RAD21: variants seen among roughly 807,000 people sequenced by gnomAD.
The protein encoded by RAD21 is double-strand-break repair protein rad21 homolog.
In RAD21, 18 loss-of-function variants were observed where a neutral mutation model predicts 71.5. The ratio of observed to expected loss-of-function variants is 0.25; its 90% CI spans 0.17 to 0.37. The LOEUF is 0.37. Ranked by LOEUF, RAD21 falls within the 10% of genes least tolerant of loss-of-function variation. The pLI is 1.00. For missense variants in RAD21, 493 were observed against 769.1 expected (o/e 0.64, Z 4.25); for synonymous variants, 248 against 254.0 (o/e 0.98, Z 0.22).
At position 116,848,955 on chromosome 8, in the gene RAD21, A is replaced by G. The variant is rs749146705; in HGVS notation, c.1695T>C (p.His565=). ...ACAACAGCGGCAATACCTGAAGACC[A>G]TGAAGCATCTGCTGAGTCCTTTTGT... ...RWNKRTQQML[H]GLQRALAKTG... is the part of the protein sequence containing the mutation. The change falls in exon 13 of 14, where the codon CAT becomes CAC. Residue 565 remains histidine (H), a synonymous_variant. Coordinates refer to ENST00000297338, the MANE Select transcript of RAD21 (RefSeq NM_006265.3). 5 of 1,608,628 alleles carry G rather than the reference A, an allele frequency of 3.1e-6. No individual in the cohort carries two copies. The highest frequency in any genetic ancestry group is 2.2e-5 in the South Asian group (2 of 90,284).
At chr8:116,862,002 G>A in intron 3 of RAD21, 62 bp from the exon 4 acceptor site, 1 of 1,289,560 alleles carries the variant, frequency 7.8e-7, no homozygotes, top group South Asian at 1.2e-5. Flanking sequence ...GGATCAGAGG[G>A]AGATAAGTAG....
At chr8:116,853,870 C>T (rs967477175) in intron 9 of RAD21, among the ~76,000 whole-genome samples, 6 of 152,144 alleles carry the variant, frequency 3.9e-5, no homozygotes, top group African/African-American at 1.4e-4. Context: ...AAAAAACCTC[C>T]TGAAGCCAGA....
chr8:116,872,369 T>C (rs571211761), intron 1 of RAD21, among the ~76,000 whole-genome samples: 16 of 152,256 alleles, frequency 1.1e-4, no homozygotes, highest in African/African-American at 3.8e-4. Flanking sequence ...TGCAAAAAAG[T>C]TGGAGTTTTA....
At chr8:116,863,900 CCT>C (rs1316790036) in intron 2 of RAD21, among the ~76,000 whole-genome samples, 3 of 151,944 alleles carry the variant, frequency 2.0e-5, no homozygotes, top group East Asian at 1.9e-4. Flanking sequence ...CTCAGATCTC[CCT>C]GTTTCCAAAA....
chr8:116,851,720 C>A, intron 11 of RAD21: 1 of 403,500 alleles, frequency 2.5e-6, no homozygotes, highest in Non-Finnish European at 4.4e-6. Context: ...CTGGAGCACT[C>A]TAAAGCAATA....
At chr8:116,854,790 C>CT (rs1377422425) in intron 8 of RAD21, among the ~76,000 whole-genome samples, 2 of 152,190 alleles carry the variant, frequency 1.3e-5, no homozygotes, top group Non-Finnish European at 2.9e-5. Context: ...ATATCACACT[C>CT]TTCAGAGTTG....
chr8:116,864,376 T>C (rs1410251892), intron 2 of RAD21, among the ~76,000 whole-genome samples: 2 of 152,172 alleles, frequency 1.3e-5, no homozygotes, highest in Non-Finnish European at 2.9e-5. Flanking sequence ...GAAAATGTTG[T>C]ATTTTAAATT....
chr8:116,855,270 A>G (rs1284639838), intron 8 of RAD21, among the ~76,000 whole-genome samples: 1 of 152,198 alleles, frequency 6.6e-6, no homozygotes, highest in Non-Finnish European at 1.5e-5. Context: ...TGCTCTACTT[A>G]AAGGTAAAAA....
At chr8:116,868,579 A>G (rs1164928117) in intron 1 of RAD21, among the ~76,000 whole-genome samples, 2 of 150,586 alleles carry the variant, frequency 1.3e-5, no homozygotes, top group African/African-American at 4.9e-5. Flanking sequence ...TAATACAATT[A>G]TCAAAATGAG....
chr8:116,857,110 C>A (rs1438184673), intron 6 of RAD21, among the ~76,000 whole-genome samples, 157 bp downstream of exon 6: 1 of 152,118 alleles, frequency 6.6e-6, no homozygotes, highest in African/African-American at 2.4e-5. Context: ...TTTTAAGAGG[C>A]TAGTTTTACC....
rs922945689 is a variant in RAD21 at position 116,866,877 on chromosome 8, G to C, written c.-32-116C>G. Reference sequence around the variant, plus strand: ...TTAATATGAAAACTATAAAATGCTTGAGTAAATGTTTAATATGTATTTTAA... The same window carrying C: ...TTAATATGAAAACTATAAAATGCTTCAGTAAATGTTTAATATGTATTTTAA... On this transcript the variant is annotated intron_variant, in intron 1 of 13. Transcript: ENST00000297338. 19 of 587,820 alleles carry C rather than the reference G, an allele frequency of 3.2e-5. No homozygotes were observed. The African/African-American group carries it at 3.5e-4, about 11-fold the overall frequency. The allele number at this position is 587,820 out of a possible 1,614,324, so 36.4% of individuals were successfully genotyped here. A position where few individuals can be genotyped will look rare whatever the true frequency, so the allele number is the denominator to read the frequency against.
chr8:116,860,482 C>T (rs571689646), intron 4 of RAD21, among the ~76,000 whole-genome samples: 31 of 152,180 alleles, frequency 2.0e-4, no homozygotes, highest in Non-Finnish European at 3.8e-4. Context: ...TTACCTCAAA[C>T]TTCAGCAACC....
chr8:116,847,689 A>T lies in RAD21; in HGVS notation c.1707T>A (p.Arg569=). Reference sequence around the variant, plus strand: ...ATTCAGCTCCAGTTTTAGCAAGAGCACGCTGAAATAAAACCAAAAAAGGGT... The same window carrying T: ...ATTCAGCTCCAGTTTTAGCAAGAGCTCGCTGAAATAAAACCAAAAAAGGGT... ...RTQQMLHGLQ[R]ALAKTGAESI... Residue 569 remains arginine, a splice_region_variant and synonymous_variant, in exon 14 of 14, where the codon CGT becomes CGA. Coordinates refer to ENST00000297338, the MANE Select transcript of RAD21 (RefSeq NM_006265.3). 1.2e-6 allele frequency: 2 copies of T among 1,610,788 alleles called. No homozygotes were observed. The highest frequency in any genetic ancestry group is 1.7e-6 in the Non-Finnish European group (2 of 1,178,720).
chr8:116,854,183 G>A, intron 9 of RAD21, 62 bp downstream of exon 9: 1 of 1,333,130 alleles, frequency 7.5e-7, no homozygotes, highest in South Asian at 1.3e-5. Flanking sequence ...AAAGGTTTTA[G>A]AATCTTTTTT....
Position 116,847,032 on chromosome 8 carries a change from AG to A in RAD21, c.*467del, listed in dbSNP as rs552908697. 559 of 221,428 alleles carry A rather than the reference AG, an allele frequency of 2.5e-3. 3 individuals carry two copies. The highest frequency in any genetic ancestry group is 3.9e-3 in the Non-Finnish European group (436 of 110,574). The allele number at this position is 221,428 out of a possible 1,614,324, so 13.7% of individuals were successfully genotyped here. On this transcript the variant is annotated 3_prime_UTR_variant, in exon 14 of 14. Transcript: ENST00000297338. ...ACCATCCCTAAGGAGAGTGGTTAAC[AG>A]GAAGATTGCCAGTGTTACTGATGGA...
chr8:116,874,170 G>GCCCGCCACCGCGGGCGCCGGA (rs1227436054), intron 1 of RAD21: 232 of 152,166 alleles, frequency 1.5e-3, no homozygotes, highest in African/African-American at 5.4e-3. Flanking sequence ...CGGGCGCCGG[G>GCCCGCCACCGCGGGCGCCGGA]CCCGCCACCG....
chr8:116,861,274 G>A (rs1812587379), intron 4 of RAD21, among the ~76,000 whole-genome samples: 1 of 151,824 alleles, frequency 6.6e-6, no homozygotes, highest in Non-Finnish European at 1.5e-5. Context: ...CCAACATCAT[G>A]GCATGATAGC....
At chr8:116,849,168 A>G (rs745508258) in intron 12 of RAD21, 139 bp from the exon 13 acceptor site, 17 of 556,476 alleles carry the variant, frequency 3.1e-5, no homozygotes, top group Non-Finnish European at 4.9e-5. Context: ...AATGCTGCTG[A>G]GCAATCACTT....
chr8:116,874,516 C>A, intron 1 of RAD21, 95 bp downstream of exon 1: 1 of 255,140 alleles, frequency 3.9e-6, no homozygotes, highest in Non-Finnish European at 7.7e-6. Context: ...CTCGCCCTCC[C>A]GCCCCCAGGA....
Sources: allele counts gnomAD v4.1 joint callset (sites outside exome capture counted in the v4.1 genomes callset), GRCh38; gene constraint gnomAD v4.1.1; transcripts MANE v1.5; gene names NCBI Gene and HGNC (gene_info 2026-07-23, HGNC 2026-07-21).